Variants in SEC16A observed in about 807,000 individuals in gnomAD.
The protein encoded by SEC16A is SEC16 homolog A, endoplasmic reticulum export factor, also known as protein transport protein Sec16A.
In SEC16A, 110 loss-of-function variants were observed where a neutral mutation model predicts 221.9. The observed-to-expected ratio is 0.50, with a 90% CI of 0.42 to 0.58. SEC16A has a LOEUF of 0.58. SEC16A is among the 20% of genes least tolerant of loss of function. The probability of loss-of-function intolerance (pLI) is 0.00; values close to 1 mark genes in which losing one functional copy is unlikely to be tolerated. For synonymous variants in SEC16A, 1,393 were observed against 1,257.7 expected, an observed-to-expected ratio of 1.11 and a Z score of -2.28; for missense variants, 3,165 against 3,097.8, an observed-to-expected ratio of 1.02 and a Z score of -0.52.
Position 136,447,474 on chromosome 9 carries a change from G to A in SEC16A, c.6559+95C>T. On this transcript the variant is annotated intron_variant, in intron 26 of 31. Coordinates refer to ENST00000684901, the MANE Select transcript of SEC16A (RefSeq NM_014866.2). This position sits in a 1 kb window ranked among gnomAD's most constrained non-coding sequence, Gnocchi z 5.5. ...AAAAGCACGCAGGGACGTGCGGGAA[G>A]CCACCTCCTCCCCACGCACAACAGC... 6.5e-7 allele frequency: 1 copy of A among 1,547,988 alleles called. No homozygotes were observed. The highest frequency in any genetic ancestry group is 1.2e-5 in the South Asian group (1 of 86,352).
chr9:136,468,371 C>T (rs370439848), intron 5 of SEC16A, 44 bp downstream of exon 5: 40 of 1,308,914 alleles, frequency 3.1e-5, no homozygotes, highest in Middle Eastern at 1.9e-4. Flanking sequence ...GTCTTTTGCA[C>T]AAGGCACCTG....
chr9:136,481,129 C>CTTTTTTTTT (rs1000992506), intron 1 of SEC16A, among the ~76,000 whole-genome samples: 3 of 87,988 alleles, frequency 3.4e-5, no homozygotes, highest in Admixed American at 1.7e-4. Context: ...GAATTTTATT[C>CTTTTTTTTT]TTTTTTTTTT....
intron 3 of SEC16A, among the ~76,000 whole-genome samples, chr9:136,473,263 C>G (rs565368094): frequency 3.2e-4 from 49 of 152,362 alleles, no homozygotes; most frequent in African/African-American, 1.2e-3. Flanking sequence ...CCATGGTTTT[C>G]CAATTCCCTA....
chr9:136,463,665 A>C lies in SEC16A; in HGVS notation c.4508+14T>G. On this transcript the variant is annotated intron_variant, in intron 10 of 31. Coordinates refer to ENST00000684901, the MANE Select transcript of SEC16A (RefSeq NM_014866.2). ...GGCCGGGCTCACAAAGAAATGCCTC[A>C]ACAAGGAACATACTTGGCCAGGGGT... The C allele has an allele frequency of 6.2e-7, 1 of 1,613,530 alleles. No individual in the cohort carries two copies. The highest frequency in any genetic ancestry group is 8.5e-7 in the Non-Finnish European group (1 of 1,179,730).
chr9:136,474,432 C>T lies in SEC16A; in HGVS notation c.3184G>A (p.Val1062Met), dbSNP rs764383514. 2 of 1,612,980 alleles carry T rather than the reference C, an allele frequency of 1.2e-6. No individual in the cohort carries two copies. The highest frequency in any genetic ancestry group is 3.3e-5 in the Admixed American group (2 of 60,012). The change falls in exon 3 of 32, where the codon GTG becomes ATG. Residue 1062 changes from valine (V) to methionine (M), a missense_variant. Val to Met is a conservative substitution (Grantham distance 21). Transcript: ENST00000684901. Reference protein sequence around the residue: ...PGLERAQQELVPPQQQASPPQ... With the variant: ...PGLERAQQELMPPQQQASPPQ... The stretch of plus-strand genomic sequence containing the variant: ...GGAGAAGCCTGTTGCTGGGGTGGCA[C>T]CAGCTCCTGCTGGGCTCTTTCGAGG...
intron 22 of SEC16A, 102 bp from the exon 23 acceptor site, chr9:136,451,510 C>A: frequency 7.5e-7 from 1 of 1,332,694 alleles, no homozygotes. Flanking sequence ...AAATACATCA[C>A]TGAGAGGCCG....
chr9:136,470,963 C>T (rs1840773136), intron 4 of SEC16A, among the ~76,000 whole-genome samples: 1 of 152,158 alleles, frequency 6.6e-6, no homozygotes, highest in Admixed American at 6.5e-5. Context: ...GCCAGGACCA[C>T]GCCCACCCCT....
At chr9:136,445,165 C>A in intron 29 of SEC16A, 54 bp from the exon 30 acceptor site, 1 of 1,456,502 alleles carries the variant, frequency 6.9e-7, no homozygotes, top group South Asian at 1.2e-5. Context: ...ACATGCACGT[C>A]ACTGTCCAAT....
intron 23 of SEC16A, among the ~76,000 whole-genome samples, chr9:136,449,818 A>C (rs1230244506): frequency 1.3e-5 from 2 of 152,338 alleles, no homozygotes; most frequent in East Asian, 3.9e-4. Context: ...CAAATTTGGA[A>C]TTAAATGTGT....
chr9:136,462,544 G>C (rs1454539043), intron 12 of SEC16A, among the ~76,000 whole-genome samples: 2 of 152,214 alleles, frequency 1.3e-5, no homozygotes, highest in Admixed American at 6.5e-5. Context: ...GTCTGACTTT[G>C]TGAGAATGCC....
At chr9:136,484,397 T>C, upstream of SEC16A, 6 of 1,193,812 alleles carry the variant, frequency 5.0e-6, no homozygotes, top group South Asian at 7.7e-5. Context: ...CTCTGTGCCC[T>C]CATTTTTCGG....
At chr9:136,470,144 T>C (rs1200629436) in intron 4 of SEC16A, among the ~76,000 whole-genome samples, 1 of 152,084 alleles carries the variant, frequency 6.6e-6, no homozygotes, top group African/African-American at 2.4e-5. Context: ...AGACGTGTGC[T>C]CCCCAACCAA....
chr9:136,475,655 G>C lies in SEC16A; in HGVS notation c.1961C>G (p.Ala654Gly). Reference sequence around the variant, plus strand: ...TGGCTGCTCCAGGTTGCCAGGGGAAGCATCGGGCAGGGCGGCAGCTGGTCT... The same window carrying C: ...TGGCTGCTCCAGGTTGCCAGGGGAACCATCGGGCAGGGCGGCAGCTGGTCT... ...QCRPAAALPD[A>G]SPGNLEQPPD... Residue 654 changes from alanine to glycine, a missense_variant, in exon 3 of 32, where the codon GCT becomes GGT. Ala to Gly is a moderately conservative substitution (Grantham distance 60). Around this residue, in one of 3 missense-constraint regions of SEC16A, gnomAD observed 2,030 missense variants for 1,923.1 expected, o/e 1.06. Coordinates refer to ENST00000684901, the MANE Select transcript of SEC16A (RefSeq NM_014866.2). The surrounding 1 kb of genome is among the most constrained non-coding windows in gnomAD (Gnocchi z 5.0). 1 of 1,613,780 alleles carries C rather than the reference G, an allele frequency of 6.2e-7. No homozygotes were observed. The highest frequency in any genetic ancestry group is 2.2e-5 in the East Asian group (1 of 44,874).
At position 136,466,889 on chromosome 9, in the gene SEC16A, AG is replaced by A; in HGVS notation, c.3929+67del. ...AGCTCTTTGTTAAAACCCAGACATG[AG>A]GGCAGAGAAGCACTAGCGCGCCCTG... On this transcript the variant is annotated intron_variant, in intron 6 of 31. Coordinates refer to ENST00000684901, the MANE Select transcript of SEC16A (RefSeq NM_014866.2). This position sits in a 1 kb window ranked among gnomAD's most constrained non-coding sequence, Gnocchi z 5.5. The A allele has an allele frequency of 6.5e-7, 1 of 1,528,078 alleles. No individual in the cohort carries two copies. The highest frequency in any genetic ancestry group is 8.8e-7 in the Non-Finnish European group (1 of 1,135,286). The allele number at this position is 1,528,078 out of a possible 1,614,324, so 94.7% of individuals were successfully genotyped here.
At position 136,466,231 on chromosome 9, in the gene SEC16A, C is replaced by G. The variant is rs777393840; in HGVS notation, c.4128+33G>C. ...AACAGGATGGTGGTTCTAAACACAA[C>G]CGTCCGCGTGTCTGTGAGGCGCCGC... On this transcript the variant is annotated intron_variant, in intron 7 of 31. Transcript: ENST00000684901. The surrounding 1 kb of genome is among the most constrained non-coding windows in gnomAD (Gnocchi z 5.5). The G allele has an allele frequency of 1.9e-6, 3 of 1,584,210 alleles. 1 individual carries two copies. In the South Asian group the frequency reaches 3.4e-5, roughly 18 times the overall value.
At position 136,475,863 on chromosome 9, in the gene SEC16A, G is replaced by T; in HGVS notation, c.1753C>A (p.Arg585Ser). Residue 585 changes from arginine (R) to serine (S), a missense_variant, in exon 3 of 32, where the codon CGT becomes AGT. Around this residue, in one of 3 missense-constraint regions of SEC16A, gnomAD observed 2,030 missense variants for 1,923.1 expected, o/e 1.06. Transcript: ENST00000684901. The surrounding 1 kb of genome is among the most constrained non-coding windows in gnomAD (Gnocchi z 5.0). Reference sequence around the variant, plus strand: ...GTTGAGGGCTGGGACACGCTGCCACGGTAATTCTGGCTCACAGTGGTCTCG... The same window carrying T: ...GTTGAGGGCTGGGACACGCTGCCACTGTAATTCTGGCTCACAGTGGTCTCG... ...TDETTVSQNY[R>S]GSVSQPSTPS... The T allele has an allele frequency of 1.9e-6, 3 of 1,596,482 alleles. No homozygotes were observed. Among genetic ancestry groups the T allele is most frequent in the Non-Finnish European group, 2.6e-6 (3 of 1,171,284 alleles).
Position 136,459,701 on chromosome 9 carries a change from C to T in SEC16A, c.5191+56G>A, listed in dbSNP as rs1009517990. ...GATTTCTGCCAACGCCACAGACAACCGGGCCTTCGGCGCTCCATCCGCGAC... is the reference window on the plus strand; with the variant it reads ...GATTTCTGCCAACGCCACAGACAACTGGGCCTTCGGCGCTCCATCCGCGAC... On this transcript the variant is annotated intron_variant, in intron 15 of 31. Coordinates refer to ENST00000684901, the MANE Select transcript of SEC16A (RefSeq NM_014866.2). This position sits in a 1 kb window ranked among gnomAD's most constrained non-coding sequence, Gnocchi z 6.1. 14 of 1,457,172 alleles carry T rather than the reference C, an allele frequency of 9.6e-6. No individual in the cohort carries two copies. Among genetic ancestry groups the T allele is most frequent in the Admixed American group, 5.9e-5 (3 of 51,256 alleles). The allele number at this position is 1,457,172 out of a possible 1,614,324, so 90.3% of individuals were successfully genotyped here.
At position 136,477,426 on chromosome 9, in the gene SEC16A, T is replaced by C. The variant is rs1242654938; in HGVS notation, c.190A>G (p.Ser64Gly). The change falls in exon 3 of 32, where the codon AGT (serine) becomes GGT (glycine). Residue 64 changes from serine to glycine, a missense_variant. Physicochemically the swap from Ser to Gly is moderately conservative, Grantham distance 56. This residue lies in a region of SEC16A where 2,030 missense variants were observed against 1,923.1 expected (regional missense o/e 1.06). Coordinates refer to ENST00000684901, the MANE Select transcript of SEC16A (RefSeq NM_014866.2). Reference sequence around the variant, plus strand: ...TTGGACGAACTGCCCAGTGGTGTACTTTGGAGCGCCTGTCTACTAAAAGCA... The same window carrying C: ...TTGGACGAACTGCCCAGTGGTGTACCTTGGAGCGCCTGTCTACTAAAAGCA... The part of the protein sequence containing the change: ...PFAFSRQALQ[S>G]TPLGSSSKSS... 6.2e-7 allele frequency: 1 copy of C among 1,613,878 alleles called. No individual in the cohort carries two copies. Among genetic ancestry groups the C allele is most frequent in the African/African-American group, 1.3e-5 (1 of 74,928 alleles).
At chr9:136,455,548 C>G in intron 20 of SEC16A, 53 bp downstream of exon 20, 1 of 1,482,808 alleles carries the variant, frequency 6.7e-7, no homozygotes, top group South Asian at 1.3e-5. Context: ...CATGGCTCAG[C>G]CCACAGGAAG....
Sources: allele counts gnomAD v4.1 joint callset (sites outside exome capture counted in the v4.1 genomes callset), GRCh38; gene constraint gnomAD v4.1.1; regional missense constraint gnomAD v4.1.1; non-coding constraint Gnocchi (gnomAD v3.1); transcripts MANE v1.5; gene names NCBI Gene and HGNC (gene_info 2026-07-23, HGNC 2026-07-21).